Variants in EHD4 observed in about 807,000 individuals in gnomAD.
EHD4 encodes the protein EH domain containing 4.
In EHD4, 37 loss-of-function variants were observed where a neutral mutation model predicts 51.0. The ratio of observed to expected loss-of-function variants is 0.73; its 90% CI spans 0.56 to 0.95. The LOEUF is 0.95. Among genes scored for constraint, EHD4 ranks in the 40% least tolerant of loss-of-function variants. The pLI is 0.00. For missense variants in EHD4, 632 were observed against 733.1 expected, an observed-to-expected ratio of 0.86 and a Z score of 1.59; for synonymous variants, 297 against 317.3, an observed-to-expected ratio of 0.94 and a Z score of 0.68.
At chr15:41,942,939 G>C (rs554328500) in intron 3 of EHD4, 128 bp downstream of exon 3, 26 of 836,802 alleles carry the variant, frequency 3.1e-5, no homozygotes, top group Non-Finnish European at 4.2e-5. Context: ...TGACACTTGG[G>C]GCCCCTTCAG....
intron 1 of EHD4, among the ~76,000 whole-genome samples, chr15:41,971,523 G>C (rs980703500): frequency 6.6e-6 from 1 of 152,238 alleles, no homozygotes; most frequent in East Asian, 1.9e-4. Flanking sequence ...CACAGTGATT[G>C]TGTGCTTTCA....
chr15:41,944,932 A>G (rs1465193119), intron 2 of EHD4, among the ~76,000 whole-genome samples: 1 of 152,168 alleles, frequency 6.6e-6, no homozygotes, highest in African/African-American at 2.4e-5. Context: ...CTACTACCCA[A>G]CACGGGGAGA....
chr15:41,962,294 A>T (rs907188925), intron 1 of EHD4, among the ~76,000 whole-genome samples: 6 of 152,206 alleles, frequency 3.9e-5, no homozygotes, highest in Non-Finnish European at 8.8e-5. Flanking sequence ...GAAAATGAGA[A>T]TTGATAGCAT....
chr15:41,919,688 A>C, intron 3 of EHD4, 66 bp from the exon 4 acceptor site: 66 of 1,435,588 alleles, frequency 4.6e-5, no homozygotes, highest in Non-Finnish European at 5.5e-5. Context: ...TGGGCGGCTC[A>C]GGAACAGTCT....
intron 3 of EHD4, among the ~76,000 whole-genome samples, chr15:41,929,833 C>T (rs952731316): frequency 4.6e-5 from 7 of 152,128 alleles, no homozygotes; most frequent in African/African-American, 7.2e-5. Context: ...CCAGGAAAAT[C>T]GATTTAGCTC....
At chr15:41,908,873 C>T (rs547504479) in intron 5 of EHD4, among the ~76,000 whole-genome samples, 2 of 152,380 alleles carry the variant, frequency 1.3e-5, no homozygotes, top group South Asian at 4.1e-4. Context: ...GCCTGCTCCA[C>T]TGTTTGCGTT....
intron 1 of EHD4, 48 bp downstream of exon 1, chr15:41,972,211 G>T (rs759389891): frequency 3.2e-5 from 47 of 1,451,026 alleles, no homozygotes; most frequent in South Asian, 2.5e-4. Context: ...GCGCACACGT[G>T]GGGAGGGCGG....
At chr15:41,918,867 C>T (rs998344892) in intron 4 of EHD4, among the ~76,000 whole-genome samples, 3 of 152,222 alleles carry the variant, frequency 2.0e-5, no homozygotes, top group Admixed American at 1.3e-4. Context: ...ATCCTAACAG[C>T]TACCATGTAG....
chr15:41,924,064 T>G (rs2067645299), intron 3 of EHD4, among the ~76,000 whole-genome samples: 1 of 152,190 alleles, frequency 6.6e-6, no homozygotes, highest in South Asian at 2.1e-4. Flanking sequence ...CCTGAGAAAA[T>G]GCTTTTATCC....
chr15:41,959,350 C>T (rs1209598646), intron 1 of EHD4, among the ~76,000 whole-genome samples: 5 of 126,610 alleles, frequency 3.9e-5, no homozygotes, highest in East Asian at 2.6e-4. Flanking sequence ...GAGCCGAGAT[C>T]GTGCCACTGC....
At position 41,896,003 on chromosome 15, in the gene EHD4, A is replaced by C; in HGVS notation, c.*4642T>G. On this transcript the variant is annotated 3_prime_UTR_variant, in exon 6 of 6. Coordinates refer to ENST00000220325, the MANE Select transcript of EHD4 (RefSeq NM_139265.4). The stretch of plus-strand genomic sequence containing the variant: ...TCTTTTTTAGAGACAGGGTCTTCTT[A>C]GGTTGCCCAGGCTGGTCTTGAACTC... 1 of 152,192 alleles carries C rather than the reference A, an allele frequency of 6.6e-6. No homozygotes were observed. Among genetic ancestry groups the C allele is most frequent in the Non-Finnish European group, 1.5e-5 (1 of 68,050 alleles). 9.4% of individuals were successfully genotyped at this position (152,192 alleles called of 1,614,324 possible).
chr15:41,926,867 C>T (rs2067665468), intron 3 of EHD4, among the ~76,000 whole-genome samples: 1 of 152,222 alleles, frequency 6.6e-6, no homozygotes, highest in African/African-American at 2.4e-5. Flanking sequence ...GCCCTTTCCT[C>T]TTCTCCAACT....
At chr15:41,970,504 G>C (rs2067988587) in intron 1 of EHD4, among the ~76,000 whole-genome samples, 1 of 152,246 alleles carries the variant, frequency 6.6e-6, no homozygotes, top group South Asian at 2.1e-4. Flanking sequence ...AGAGAAGAGT[G>C]AGAATATAAT....
chr15:41,953,877 G>A lies in EHD4; in HGVS notation c.300C>T (p.Phe100=), dbSNP rs2067869183. The A allele has an allele frequency of 6.2e-7, 1 of 1,614,062 alleles. No individual in the cohort carries two copies. The highest frequency in any genetic ancestry group is 8.5e-7 in the Non-Finnish European group (1 of 1,180,008). ...RIGPEPTTDS[F]IAVMYGETEG... is the part of the protein sequence containing the mutation. ...CAGTCTCTCCATACATCACGGCGAT[G>A]AAGGAGTCTGTGGTGGGCTCCGGAC... The change falls in exon 2 of 6, where the codon TTC becomes TTT. Residue 100 remains phenylalanine (F), a synonymous_variant. Transcript: ENST00000220325.
In EHD4 at chr15:41,907,860, GTGTGTGTGTGTATA is replaced by G. The variant is rs1259829694; in HGVS notation, c.1089+1825_1089+1838del. On this transcript the variant is annotated intron_variant, in intron 5 of 5. Transcript: ENST00000220325. Reference sequence around the variant, plus strand: ...TGTGTGTGTGTGTGTGTGTGTGTGTGTGTGTGTGTGTATATATTTATTTATTTTTTGAGATGGGG... The same window carrying G: ...TGTGTGTGTGTGTGTGTGTGTGTGTGTATTTATTTATTTTTTGAGATGGGG... Among the ~76,000 whole-genome samples the G allele has an allele frequency of 1.5e-3, 165 of 107,158 alleles. No individual in the cohort carries two copies. In the Middle Eastern group the frequency reaches 0.028, roughly 18 times the overall value. The allele number at this position is 107,158 out of a possible 152,430, so 70.3% of individuals were successfully genotyped here.
At chr15:41,946,605 A>T (rs1347652750) in intron 2 of EHD4, among the ~76,000 whole-genome samples, 2 of 152,210 alleles carry the variant, frequency 1.3e-5, no homozygotes, top group Admixed American at 1.3e-4. Context: ...ATGCGCTTGT[A>T]GTCCCAGCTA....
At chr15:41,935,358 C>A (rs571279203) in intron 3 of EHD4, among the ~76,000 whole-genome samples, 27 of 152,248 alleles carry the variant, frequency 1.8e-4, no homozygotes, top group African/African-American at 6.5e-4. Context: ...AGGCACCTGG[C>A]ACCTGACACA....
intron 3 of EHD4, among the ~76,000 whole-genome samples, chr15:41,940,376 G>A (rs772463826): frequency 8.5e-5 from 13 of 152,256 alleles, no homozygotes; most frequent in Non-Finnish European, 1.5e-4. Flanking sequence ...TTACGAAGCT[G>A]GGTGTAGGTG....
rs946888560 is a variant in EHD4, at chr15:41,966,411, G to A, written c.236+5848C>T. ...TACTTGCCTCGTATCCCCTTTTCTT[G>A]GTAGCAGCATCCTCAGGAGCTGCCT... On this transcript the variant is annotated intron_variant, in intron 1 of 5. Coordinates refer to ENST00000220325, the MANE Select transcript of EHD4 (RefSeq NM_139265.4). Among the ~76,000 whole-genome samples the A allele has an allele frequency of 4.6e-5, 7 of 152,216 alleles. No homozygotes were observed. The East Asian group carries it at 1.4e-3, about 29-fold the overall frequency.
Sources: allele counts gnomAD v4.1 joint callset (sites outside exome capture counted in the v4.1 genomes callset), GRCh38; gene constraint gnomAD v4.1.1; transcripts MANE v1.5; gene names NCBI Gene and HGNC (gene_info 2026-07-23, HGNC 2026-07-21).